The following GPR158 variants were observed in gnomAD, a reference collection of about 807,000 sequenced individuals.
The protein encoded by GPR158 is G protein-coupled receptor 158, also known as metabotropic glycine receptor.
Under a neutral mutation model 78.2 loss-of-function variants are expected in GPR158, and 30 were observed. That is an observed-to-expected ratio of 0.38 (90% CI 0.29 to 0.52). The LOEUF (loss-of-function observed/expected upper bound fraction) is 0.52, where lower values mean the gene tolerates loss of function less well. Ranked by LOEUF, GPR158 falls within the 20% of genes least tolerant of loss-of-function variation. The probability of loss-of-function intolerance (pLI) is 0.83; values close to 1 mark genes in which losing one functional copy is unlikely to be tolerated. For missense variants in GPR158, 1,463 were observed against 1,523.5 expected (o/e 0.96, Z 0.66); for synonymous variants, 581 against 591.1 (o/e 0.98, Z 0.25).
At chr10:25,564,891 G>A (rs553098142) in intron 6 of GPR158, among the ~76,000 whole-genome samples, 1 of 152,118 alleles carries the variant, frequency 6.6e-6, no homozygotes, top group East Asian at 1.9e-4. Context: ...ATAGACTTTT[G>A]AAGTTCCCTA....
At chr10:25,189,740 CA>C (rs1179258530) in intron 1 of GPR158, among the ~76,000 whole-genome samples, 2 of 146,682 alleles carry the variant, frequency 1.4e-5, no homozygotes, top group Admixed American at 1.4e-4. Context: ...ACATATGTAG[CA>C]AACCTGCATG....
intron 7 of GPR158, among the ~76,000 whole-genome samples, chr10:25,578,309 A>T (rs1564495787): frequency 6.6e-6 from 1 of 152,154 alleles, no homozygotes; most frequent in Non-Finnish European, 1.5e-5. Context: ...CAGGTGTAGG[A>T]TCTTGAAAAA....
chr10:25,332,027 T>TA (rs1855131121), intron 2 of GPR158, among the ~76,000 whole-genome samples: 1 of 152,202 alleles, frequency 6.6e-6, no homozygotes, highest in Non-Finnish European at 1.5e-5. Context: ...GTCCTTTGTT[T>TA]ATATGTGACA....
At chr10:25,305,463 A>AAG (rs1360886756) in intron 2 of GPR158, among the ~76,000 whole-genome samples, 2 of 152,202 alleles carry the variant, frequency 1.3e-5, no homozygotes, top group African/African-American at 4.8e-5. Flanking sequence ...CAATAGTTAT[A>AAG]AGATGGTGCA....
intron 1 of GPR158, among the ~76,000 whole-genome samples, chr10:25,218,250 G>T (rs1371842880): frequency 6.6e-6 from 1 of 152,060 alleles, no homozygotes; most frequent in Non-Finnish European, 1.5e-5. Context: ...TCCCAGCTGG[G>T]AAACGTAGCT....
chr10:25,375,634 C>A (rs1030810760), intron 2 of GPR158, among the ~76,000 whole-genome samples: 2 of 151,336 alleles, frequency 1.3e-5, no homozygotes, highest in Non-Finnish European at 3.0e-5. Flanking sequence ...GCTCCAGTAC[C>A]ATTTGTTGAA....
chr10:25,183,874 T>C lies in GPR158; in HGVS notation c.902+7552T>C, dbSNP rs371839303. 1.4e-4 allele frequency among the ~76,000 whole-genome samples: 22 copies of C among 152,374 alleles called. No individual in the cohort carries two copies. In the East Asian group the frequency reaches 1.5e-3, roughly 11 times the overall value. On this transcript the variant is annotated intron_variant, in intron 1 of 10. Coordinates refer to ENST00000376351, the MANE Select transcript of GPR158 (RefSeq NM_020752.3). ...ATCTGAGAAAGAAGGAATGGTATGA[T>C]AGTAAAGAATTATATTGTATCAATT...
chr10:25,302,141 G>A (rs1421924276), intron 2 of GPR158, among the ~76,000 whole-genome samples: 3 of 135,460 alleles, frequency 2.2e-5, no homozygotes, highest in South Asian at 4.7e-4. Context: ...GTGCGATCTC[G>A]GCTCACTGCA....
At chr10:25,250,110 G>C (rs1411764804) in intron 2 of GPR158, among the ~76,000 whole-genome samples, 1 of 119,112 alleles carries the variant, frequency 8.4e-6, no homozygotes, top group Admixed American at 9.1e-5. Context: ...AGAGGTGTTT[G>C]TAGTATTCTC....
At chr10:25,235,623 T>G (rs1853510873) in intron 2 of GPR158, among the ~76,000 whole-genome samples, 1 of 152,006 alleles carries the variant, frequency 6.6e-6, no homozygotes, top group Admixed American at 6.6e-5. Flanking sequence ...TTTCTTAACC[T>G]TTTCATGTCT....
intron 4 of GPR158, among the ~76,000 whole-genome samples, chr10:25,453,410 T>A (rs1835248580): frequency 6.6e-6 from 1 of 152,210 alleles, no homozygotes; most frequent in Non-Finnish European, 1.5e-5. Flanking sequence ...TTTTTGATAA[T>A]AGCCATTCTA....
chr10:25,408,915 T>C (rs143697156), intron 3 of GPR158, among the ~76,000 whole-genome samples: 72 of 152,340 alleles, frequency 4.7e-4, no homozygotes, highest in African/African-American at 1.7e-3. Flanking sequence ...TGGCACAAGA[T>C]GTGAGAACCT....
Position 25,363,632 on chromosome 10 carries a change from A to G in GPR158, c.1009-32279A>G, listed in dbSNP as rs190654466. On this transcript the variant is annotated intron_variant, in intron 2 of 10. Coordinates refer to ENST00000376351, the MANE Select transcript of GPR158 (RefSeq NM_020752.3). ...AGATGTGATCTGATTAGATCTTACA[A>G]TGAGGTGATCCCTGGGGACATGATC... is the stretch of plus-strand genomic sequence containing the variant. Among the ~76,000 whole-genome samples the G allele has an allele frequency of 9.9e-5, 15 of 151,988 alleles. 1 individual carries two copies. In the East Asian group the frequency reaches 2.7e-3, roughly 28 times the overall value.
intron 2 of GPR158, among the ~76,000 whole-genome samples, chr10:25,227,077 A>G (rs181421631): frequency 4.1e-4 from 63 of 152,218 alleles, no homozygotes; most frequent in Non-Finnish European, 6.2e-4. Context: ...ATTAATAGAA[A>G]CCGATGGTAT....
At chr10:25,424,596 A>G (rs538826929) in intron 4 of GPR158, among the ~76,000 whole-genome samples, 1 of 151,570 alleles carries the variant, frequency 6.6e-6, no homozygotes, top group African/African-American at 2.4e-5. Context: ...TCAGCTTTCT[A>G]CATATGGCTA....
chr10:25,312,320 A>C (rs1243973420), intron 2 of GPR158, among the ~76,000 whole-genome samples: 1 of 152,068 alleles, frequency 6.6e-6, no homozygotes. Context: ...TCAAATGTTG[A>C]TACGTTTAAC....
chr10:25,273,400 CTTT>C (rs36068886), intron 2 of GPR158, among the ~76,000 whole-genome samples: 15 of 122,044 alleles, frequency 1.2e-4, no homozygotes, highest in African/African-American at 3.9e-4. Context: ...ACATTGGCAT[CTTT>C]TTTTTTTTTT....
At chr10:25,544,045 C>A (rs1836626019) in intron 5 of GPR158, among the ~76,000 whole-genome samples, 1 of 152,192 alleles carries the variant, frequency 6.6e-6, no homozygotes, top group Non-Finnish European at 1.5e-5. Context: ...GTGACATCTG[C>A]TGCTGCTGAT....
chr10:25,196,398 A>G (rs1231397006), intron 1 of GPR158, among the ~76,000 whole-genome samples: 1 of 152,130 alleles, frequency 6.6e-6, no homozygotes, highest in Non-Finnish European at 1.5e-5. Flanking sequence ...TAATTTAAAT[A>G]TCTATAAAGT....
Sources: gnomAD v4.1 joint callset for allele counts (sites outside exome capture counted in the v4.1 genomes callset) on GRCh38, gnomAD v4.1.1 for gene constraint, MANE v1.5 for transcripts, NCBI Gene and HGNC (gene_info 2026-07-23, HGNC 2026-07-21) for gene names.